The following DENND1A variants were observed in gnomAD, a reference collection of about 807,000 sequenced individuals.
DENND1A encodes DENN domain containing 1A.
A neutral mutation model predicts 113.7 loss-of-function variants in DENND1A; 51 were observed. That is an observed-to-expected ratio of 0.45 (90% confidence interval 0.36 to 0.57). The LOEUF is 0.57. Among genes scored for constraint, DENND1A ranks in the 20% least tolerant of loss-of-function variants. DENND1A has a pLI of 0.00. For synonymous variants in DENND1A, 565 were observed against 570.8 expected, an observed-to-expected ratio of 0.99 and a Z score of 0.14; for missense variants, 1,258 against 1,395.9, an observed-to-expected ratio of 0.90 and a Z score of 1.57.
chr9:123,419,822 C>T (rs1315277159), intron 19 of DENND1A, among the ~76,000 whole-genome samples: 6 of 152,250 alleles, frequency 3.9e-5, no homozygotes, highest in Non-Finnish European at 8.8e-5. Context: ...CCCCCAGCGC[C>T]CATCGCTGTC....
At chr9:123,830,397 T>C (rs976333672) in intron 2 of DENND1A, among the ~76,000 whole-genome samples, 9 of 151,928 alleles carry the variant, frequency 5.9e-5, no homozygotes, top group African/African-American at 2.2e-4. Context: ...GAGCTACATC[T>C]TGACTGAGGT....
At chr9:123,630,054 T>C (rs1309759534) in intron 10 of DENND1A, among the ~76,000 whole-genome samples, 1 of 152,086 alleles carries the variant, frequency 6.6e-6, no homozygotes, top group Non-Finnish European at 1.5e-5. Context: ...ATTATTATTA[T>C]TATTGAGACA....
At chr9:123,668,956 T>C (rs542591166) in intron 7 of DENND1A, among the ~76,000 whole-genome samples, 5 of 152,348 alleles carry the variant, frequency 3.3e-5, no homozygotes, top group African/African-American at 1.2e-4. Flanking sequence ...GTGGTGATTA[T>C]GTAGCTCAGC....
chr9:123,821,523 C>A (rs186401535), intron 2 of DENND1A, among the ~76,000 whole-genome samples: 82 of 152,310 alleles, frequency 5.4e-4, no homozygotes, highest in African/African-American at 1.9e-3. Context: ...CACAATCTTT[C>A]CTTATGGTGG....
chr9:123,511,915 C>T (rs371596814), intron 13 of DENND1A, among the ~76,000 whole-genome samples: 3 of 152,284 alleles, frequency 2.0e-5, no homozygotes, highest in East Asian at 3.9e-4. Context: ...ATCAGGGTCT[C>T]GTGACTTGAG....
intron 11 of DENND1A, among the ~76,000 whole-genome samples, chr9:123,594,055 G>C (rs550593869): frequency 7.7e-4 from 118 of 152,286 alleles, no homozygotes; most frequent in African/African-American, 2.5e-3. Context: ...CATGCTTCCT[G>C]TACAGCCTGC....
intron 5 of DENND1A, among the ~76,000 whole-genome samples, chr9:123,706,254 T>A (rs1032392367): frequency 1.3e-5 from 2 of 150,854 alleles, no homozygotes; most frequent in Non-Finnish European, 2.9e-5. Context: ...TGGTTCAAGC[T>A]AGTCTCCTGC....
chr9:123,393,244 G>A (rs769998245), intron 21 of DENND1A, among the ~76,000 whole-genome samples: 40 of 152,200 alleles, frequency 2.6e-4, no homozygotes, highest in Non-Finnish European at 5.1e-4. Context: ...ACATTCACCT[G>A]CCAACAAGTA....
At chr9:123,542,892 T>C (rs1224640067) in intron 13 of DENND1A, among the ~76,000 whole-genome samples, 1 of 152,172 alleles carries the variant, frequency 6.6e-6, no homozygotes, top group Admixed American at 6.5e-5. Flanking sequence ...GTGTAACCAC[T>C]TCCTTGCATT....
rs766270696 is a variant in DENND1A, at chr9:123,683,979, A to G, written c.303-7190T>C. Among the ~76,000 whole-genome samples the G allele has an allele frequency of 5.9e-5, 9 of 152,208 alleles. No homozygotes were observed. In the East Asian group the frequency reaches 1.7e-3, roughly 29 times the overall value. The stretch of plus-strand genomic sequence containing the variant: ...AAAATGACCTGGTTTTTAAAAAACA[A>G]TTCCTGCAAATGTCCTGCTGGAGTC... On this transcript the variant is annotated intron_variant, in intron 5 of 23. Transcript: ENST00000394215.
intron 8 of DENND1A, among the ~76,000 whole-genome samples, chr9:123,657,180 G>A (rs893347322): frequency 5.9e-5 from 9 of 152,164 alleles, no homozygotes; most frequent in Admixed American, 2.0e-4. Flanking sequence ...GCAAAGAAAC[G>A]TTGGTAAGCG....
At chr9:123,858,517 C>T (rs1337837100) in intron 2 of DENND1A, among the ~76,000 whole-genome samples, 1 of 151,998 alleles carries the variant, frequency 6.6e-6, no homozygotes, top group Non-Finnish European at 1.5e-5. Context: ...TCAACAAGAC[C>T]GTGGATAGAA....
At chr9:123,608,413 AC>A (rs1271217074) in intron 11 of DENND1A, among the ~76,000 whole-genome samples, 3 of 152,186 alleles carry the variant, frequency 2.0e-5, no homozygotes, top group Non-Finnish European at 4.4e-5. Context: ...CCGCAGACGG[AC>A]ATGGCTGTAG....
At chr9:123,858,058 C>CAAA (rs1230079039) in intron 2 of DENND1A, among the ~76,000 whole-genome samples, 1 of 51,056 alleles carries the variant, frequency 2.0e-5, no homozygotes, top group Admixed American at 2.0e-4. Context: ...GACTCCGTCT[C>CAAA]AAAAAAAAAA....
At chr9:123,588,923 A>T (rs537898861) in intron 11 of DENND1A, among the ~76,000 whole-genome samples, 6 of 151,928 alleles carry the variant, frequency 3.9e-5, no homozygotes, top group African/African-American at 1.4e-4. Flanking sequence ...GCATGCCACC[A>T]TACCCAGCTA....
chr9:123,548,237 A>T (rs941540826), intron 13 of DENND1A, among the ~76,000 whole-genome samples: 12 of 152,188 alleles, frequency 7.9e-5, no homozygotes, highest in Non-Finnish European at 1.6e-4. Flanking sequence ...TCTTGACTTC[A>T]GATGACCACT....
At chr9:123,470,726 C>G (rs980785203) in intron 13 of DENND1A, among the ~76,000 whole-genome samples, 1 of 152,230 alleles carries the variant, frequency 6.6e-6, no homozygotes, top group Non-Finnish European at 1.5e-5. Flanking sequence ...GAGACAGGCC[C>G]CCCTGAAGGT....
intron 5 of DENND1A, among the ~76,000 whole-genome samples, chr9:123,723,704 C>T (rs7875877): frequency 0.031 from 4,729 of 152,276 alleles, 272 homozygotes; most frequent in African/African-American, 0.11. Context: ...CCTTGCCTTC[C>T]GCCATGATTG....
chr9:123,477,944 T>C (rs915314291), intron 13 of DENND1A, among the ~76,000 whole-genome samples: 5 of 152,148 alleles, frequency 3.3e-5, no homozygotes, highest in African/African-American at 1.2e-4. Flanking sequence ...TGGCTCCACG[T>C]GGTTCTTGGA....
Sources: gnomAD v4.1 joint callset for allele counts (sites outside exome capture counted in the v4.1 genomes callset) on GRCh38, gnomAD v4.1.1 for gene constraint, MANE v1.5 for transcripts, NCBI Gene and HGNC (gene_info 2026-07-23, HGNC 2026-07-21) for gene names.